Variants in DDX51 observed in about 807,000 individuals in gnomAD.
DDX51 encodes the protein DEAD-box helicase 51.
DDX51 carries 67 observed loss-of-function variants against 74.6 expected under a neutral mutation model. The ratio of observed to expected loss-of-function variants is 0.90; its 90% CI spans 0.74 to 1.10. The LOEUF is 1.10. Ranked by LOEUF, DDX51 falls within the 50% of genes least tolerant of loss-of-function variation. DDX51 has a pLI of 0.00. For missense variants in DDX51, 1,056 were observed against 905.2 expected (o/e 1.17, Z -2.14); for synonymous variants, 545 against 402.9 (o/e 1.35, Z -4.22).
chr12:132,142,610 T>C, intron 3 of DDX51, 118 bp downstream of exon 3: 1 of 1,499,020 alleles, frequency 6.7e-7, no homozygotes, highest in Non-Finnish European at 8.9e-7. Context: ...AGCTTGAGAG[T>C]GCTGAGACCA....
At chr12:132,139,468 GC>G in intron 14 of DDX51, 166 bp downstream of exon 14, 1 of 1,527,692 alleles carries the variant, frequency 6.5e-7, no homozygotes, top group Non-Finnish European at 9.0e-7. Flanking sequence ...CACCACTGGT[GC>G]CCAGGGGCTC....
chr12:132,143,646 C>G (rs1897570855), intron 2 of DDX51, 49 bp downstream of exon 2: 2 of 1,530,926 alleles, frequency 1.3e-6, no homozygotes, highest in Non-Finnish European at 1.8e-6. Context: ...TAAGAATCCG[C>G]GCAGCCTACC....
Position 132,139,633 on chromosome 12 carries a change from A to C in DDX51, c.1974+2T>G. 6.2e-7 allele frequency: 1 copy of C among 1,612,894 alleles called. No individual in the cohort carries two copies. The highest frequency in any genetic ancestry group is 2.2e-5 in the East Asian group (1 of 44,864). On this transcript the variant is annotated splice_donor_variant, in intron 14 of 14. Transcript: ENST00000397333. LOFTEE classifies it high-confidence loss of function. ...TTTCATGCCGGACTCTGGTGCCCTT[A>C]CCTTGACAGACTCCTCCAGCTGGGA...
rs1033181666 is a variant in DDX51, at chr12:132,141,149, G to A, written c.1250+126C>T. The A allele has an allele frequency of 1.0e-5, 15 of 1,493,966 alleles. No homozygotes were observed. In the East Asian group the frequency reaches 1.1e-4, roughly 11 times the overall value. 92.5% of individuals were successfully genotyped at this position (1,493,966 alleles called of 1,614,324 possible). On this transcript the variant is annotated intron_variant, in intron 8 of 14. Coordinates refer to ENST00000397333, the MANE Select transcript of DDX51 (RefSeq NM_175066.4). ...GGAGCAAGGTGGGTCCAGCTCACGT[G>A]ACAGTACGATGCGGTTCTGTGCACC... is the stretch of plus-strand genomic sequence containing the variant.
In DDX51 at chr12:132,139,929, A is replaced by C; in HGVS notation, c.1776-5T>G. The stretch of plus-strand genomic sequence containing the variant: ...GCGCGAGCTGTCCTCCCAACCCTGG[A>C]ATCAAACGCAGCTATCTCCAGACTG... On this transcript the variant is annotated splice_region_variant and splice_polypyrimidine_tract_variant and intron_variant, in intron 12 of 14. Coordinates refer to ENST00000397333, the MANE Select transcript of DDX51 (RefSeq NM_175066.4). 1 of 1,612,912 alleles carries C rather than the reference A, an allele frequency of 6.2e-7. No individual in the cohort carries two copies. The highest frequency in any genetic ancestry group is 8.5e-7 in the Non-Finnish European group (1 of 1,179,952).
chr12:132,144,062 C>G lies in DDX51; in HGVS notation c.235G>C (p.Ala79Pro). ...RPRRRRRVND[A>P]EPGSPEAPQG... ...GGCGCCTCCGGGCTCCCCGGCTCCG[C>G]GTCGTTCACCCGCCGCCGCCGCCGG... Residue 79 changes from alanine to proline, a missense_variant, in exon 1 of 15, where the codon GCG becomes CCG. Ala to Pro is a conservative substitution (Grantham distance 27, BLOSUM62 -1). Transcript: ENST00000397333. 1 of 1,262,776 alleles carries G rather than the reference C, an allele frequency of 7.9e-7. No homozygotes were observed. Among genetic ancestry groups the G allele is most frequent in the Non-Finnish European group, 9.9e-7 (1 of 1,007,892 alleles). The allele number at this position is 1,262,776 out of a possible 1,614,324, so 78.2% of individuals were successfully genotyped here.
At chr12:132,143,398 T>C (rs1409767705) in intron 2 of DDX51, 2 of 537,958 alleles carry the variant, frequency 3.7e-6, no homozygotes, top group Non-Finnish European at 6.5e-6. Flanking sequence ...GAACGGCCTC[T>C]GACTTACTCC....
rs779618653 is a variant in DDX51, at chr12:132,141,279, C to T, written c.1246G>A (p.Ala416Thr). 11 of 1,590,810 alleles carry T rather than the reference C, an allele frequency of 6.9e-6. No homozygotes were observed. Among genetic ancestry groups the T allele is most frequent in the South Asian group, 4.4e-5 (4 of 90,300 alleles). The change falls in exon 8 of 15, where the codon GCC (alanine) becomes ACC (threonine). Residue 416 changes from alanine to threonine, a missense_variant. Ala to Thr is a moderately conservative substitution (Grantham distance 58, BLOSUM62 0). Transcript: ENST00000397333. ...QRRQAQAVTA[A>T]STCCPQMPLQ... ...CCTGGGCGTGCTGCTGGATACCTGG[C>T]GGCTGTCACAGCCTGGGCCTGCCTT...
At position 132,136,766 on chromosome 12, in the gene DDX51, T is replaced by A. The variant is rs1460074786; in HGVS notation, c.*2506A>T. 6.6e-6 allele frequency: 1 copy of A among 152,238 alleles called. No individual in the cohort carries two copies. Among genetic ancestry groups the A allele is most frequent in the Non-Finnish European group, 1.5e-5 (1 of 68,130 alleles). 9.4% of individuals were successfully genotyped at this position (152,238 alleles called of 1,614,324 possible). On this transcript the variant is annotated 3_prime_UTR_variant, in exon 15 of 15. Coordinates refer to ENST00000397333, the MANE Select transcript of DDX51 (RefSeq NM_175066.4). ...CTGCAACCTCCACCTCCCGGGCAAG[T>A]GATTCTCCTGCCTCAGCCTCTTGAG...
intron 6 of DDX51, 103 bp from the exon 7 acceptor site, chr12:132,141,709 A>C (rs1897470655): frequency 1.4e-6 from 2 of 1,465,136 alleles, no homozygotes; most frequent in African/African-American, 2.8e-5. Context: ...CCACATGGGA[A>C]GGGGGCCGGT....
chr12:132,143,058 A>C, intron 2 of DDX51, 180 bp from the exon 3 acceptor site: 1 of 742,564 alleles, frequency 1.3e-6, no homozygotes, highest in Admixed American at 2.5e-5. Context: ...AGCAGATGCC[A>C]CTCCCTGAGC....
intron 13 of DDX51, 45 bp from the exon 14 acceptor site, chr12:132,139,814 T>G: frequency 1.2e-6 from 2 of 1,612,802 alleles, no homozygotes; most frequent in Non-Finnish European, 1.7e-6. Context: ...GGCCAGCCCC[T>G]TAACACCCAC....
Position 132,140,969 on chromosome 12 carries a change from C to G in DDX51, c.1302G>C (p.Leu434=). 1 of 1,612,364 alleles carries G rather than the reference C, an allele frequency of 6.2e-7. No homozygotes were observed. The change falls in exon 9 of 15, where the codon CTG becomes CTC. Residue 434 remains leucine, a synonymous_variant. Coordinates refer to ENST00000397333, the MANE Select transcript of DDX51 (RefSeq NM_175066.4). The part of the protein sequence containing the change: ...PLQKLLFSAT[L]TQNPEKLQQL... ...GCTGCAGCTTTTCAGGGTTCTGGGT[C>G]AGAGTAGCTGAGAAGAGCAGCTTCT...
At chr12:132,139,559 C>G (rs778928018) in intron 14 of DDX51, 76 bp downstream of exon 14, 1 of 1,611,428 alleles carries the variant, frequency 6.2e-7, no homozygotes, top group South Asian at 1.1e-5. Flanking sequence ...TCCCTCTTTT[C>G]TCCACGTGTG....
intron 14 of DDX51, 42 bp from the exon 15 acceptor site, chr12:132,139,340 C>G (rs1450536450): frequency 6.3e-7 from 1 of 1,598,892 alleles, no homozygotes; most frequent in African/African-American, 1.3e-5. Context: ...ACACTCTGTC[C>G]CCTCATCGTC....
In DDX51 at chr12:132,139,486, C is replaced by G. The variant is rs747894835; in HGVS notation, c.1974+149G>C. On this transcript the variant is annotated intron_variant, in intron 14 of 14. Transcript: ENST00000397333. Reference sequence around the variant, plus strand: ...CACTGGTGCCCAGGGGCTCCCCGCCCTTGGGCCAGAAGCTCGAGGACAACC... The same window carrying G: ...CACTGGTGCCCAGGGGCTCCCCGCCGTTGGGCCAGAAGCTCGAGGACAACC... 1.9e-6 allele frequency: 3 copies of G among 1,564,394 alleles called. No individual in the cohort carries two copies. The African/African-American group carries it at 4.1e-5, about 21-fold the overall frequency.
At position 132,144,244 on chromosome 12, in the gene DDX51, G is replaced by A. The variant is rs970798917; in HGVS notation, c.53C>T (p.Ala18Val). ...CCCGGCCTCCGCGCCCTCCGGCCCC[G>A]CCGCAGCTGCCGCATCGGGGCCCGG... ...RYPGPDAAAA[A>V]GPEGAEAGAH... is the part of the protein sequence containing the mutation. Residue 18 changes from alanine (A) to valine (V), a missense_variant, in exon 1 of 15, where the codon GCG becomes GTG. Transcript: ENST00000397333. 9.7e-6 allele frequency: 12 copies of A among 1,231,852 alleles called. No homozygotes were observed. In the African/African-American group the frequency reaches 1.7e-4, roughly 18 times the overall value. The allele number at this position is 1,231,852 out of a possible 1,614,324, so 76.3% of individuals were successfully genotyped here.
At position 132,140,428 on chromosome 12, in the gene DDX51, G is replaced by T. The variant is rs759154788; in HGVS notation, c.1668C>A (p.Ile556=). 1 of 1,613,188 alleles carries T rather than the reference G, an allele frequency of 6.2e-7. No homozygotes were observed. Among genetic ancestry groups the T allele is most frequent in the Non-Finnish European group, 8.5e-7 (1 of 1,180,000 alleles). The change falls in exon 11 of 15, where the codon ATC becomes ATA. Residue 556 remains isoleucine (I), a synonymous_variant. Transcript: ENST00000397333. ...GCCCCTGCCCAGGAACTCACAGCTG[G>T]ATCTTCCCCTGTTCAAACTGCTTCA... ...MILKQFEQGK[I]QLLISTDATA... is the part of the protein sequence containing the mutation.
At chr12:132,139,606 G>A (rs979867292) in intron 14 of DDX51, 29 bp downstream of exon 14, 4 of 1,613,056 alleles carry the variant, frequency 2.5e-6, no homozygotes, top group East Asian at 2.2e-5. Flanking sequence ...CTCCCCAGAG[G>A]GTTTCATGCC....
Sources: gnomAD v4.1 joint callset for allele counts on GRCh38, gnomAD v4.1.1 for gene constraint, MANE v1.5 for transcripts, NCBI Gene and HGNC (gene_info 2026-07-23, HGNC 2026-07-21) for gene names.